Variants in GRM1 observed in about 807,000 individuals in gnomAD.
GRM1 encodes metabotropic glutamate receptor 1.
Under a neutral mutation model 90.9 loss-of-function variants are expected in GRM1, and 33 were observed. The observed-to-expected ratio is 0.36, with a 90% CI of 0.28 to 0.49. GRM1 has a LOEUF of 0.49. GRM1 is among the 20% of genes least tolerant of loss of function. The probability of loss-of-function intolerance (pLI) is 0.99; values close to 1 mark genes in which losing one functional copy is unlikely to be tolerated. For missense variants in GRM1, 1,190 were observed against 1,534.3 expected (o/e 0.78, Z 3.75); for synonymous variants, 700 against 613.2 (o/e 1.14, Z -2.09).
intron 2 of GRM1, among the ~76,000 whole-genome samples, chr6:146,267,508 T>C (rs1428548008): frequency 6.6e-6 from 1 of 152,062 alleles, no homozygotes; most frequent in Admixed American, 6.5e-5. Flanking sequence ...AAATAGGCTG[T>C]CTGCAAGCTG....
intron 1 of GRM1, among the ~76,000 whole-genome samples, chr6:146,142,376 A>G (rs1776912352): frequency 6.6e-6 from 1 of 152,106 alleles, no homozygotes; most frequent in Non-Finnish European, 1.5e-5. Context: ...AGCAGTGTGG[A>G]ACTCACACAA....
In GRM1 at chr6:146,399,879, C is replaced by T. The variant is rs1439148755; in HGVS notation, c.2660+180C>T. On this transcript the variant is annotated intron_variant, in intron 7 of 7. Transcript: ENST00000282753. The surrounding 1 kb of genome is among the most constrained non-coding windows in gnomAD (Gnocchi z 5.4). ...TCTTTTCTCCCTTTCTTAAATCTCA[C>T]ATTCTGTTGCAGTAAGAATGCAGAA... Among the ~76,000 whole-genome samples, 1 of 152,156 alleles carries T rather than the reference C, an allele frequency of 6.6e-6. No homozygotes were observed. The highest frequency in any genetic ancestry group is 1.5e-5 in the Non-Finnish European group (1 of 68,036).
intron 1 of GRM1, among the ~76,000 whole-genome samples, chr6:146,039,710 G>A (rs1024209141): frequency 4.6e-5 from 7 of 152,086 alleles, no homozygotes; most frequent in South Asian, 2.1e-4. Flanking sequence ...GAGATGATTA[G>A]AGTTTTACTA....
chr6:146,067,380 C>G (rs950763506), intron 1 of GRM1, among the ~76,000 whole-genome samples: 5 of 152,114 alleles, frequency 3.3e-5, no homozygotes, highest in African/African-American at 1.2e-4. Flanking sequence ...ATTCCAACCA[C>G]TATTATTGTA....
chr6:146,419,202 C>T (rs1004792106), intron 7 of GRM1, among the ~76,000 whole-genome samples: 1 of 151,992 alleles, frequency 6.6e-6, no homozygotes, highest in African/African-American at 2.4e-5. Context: ...AAGAAACAGA[C>T]GGAAGAAAAA....
intron 2 of GRM1, among the ~76,000 whole-genome samples, chr6:146,260,553 C>G (rs996055605): frequency 3.3e-5 from 5 of 152,082 alleles, no homozygotes; most frequent in Non-Finnish European, 7.4e-5. Context: ...ATTTCTGTTT[C>G]TAGATCCTTG....
chr6:146,055,025 G>C (rs1387525404), intron 1 of GRM1, among the ~76,000 whole-genome samples: 1 of 151,972 alleles, frequency 6.6e-6, no homozygotes, highest in Non-Finnish European at 1.5e-5. Flanking sequence ...TTTGCCTTGG[G>C]TTCACGCTAA....
At chr6:146,192,419 T>A (rs1778962411) in intron 2 of GRM1, among the ~76,000 whole-genome samples, 1 of 152,208 alleles carries the variant, frequency 6.6e-6, no homozygotes, top group Admixed American at 6.5e-5. Flanking sequence ...TATTAGGCAC[T>A]TGGCCTTATA....
intron 2 of GRM1, among the ~76,000 whole-genome samples, chr6:146,277,507 A>T (rs1782417649): frequency 6.6e-6 from 1 of 152,174 alleles, no homozygotes; most frequent in South Asian, 2.1e-4. Context: ...CTCCCAATTA[A>T]AAACCCTGGA....
At chr6:146,382,813 T>C (rs1776364645) in intron 5 of GRM1, among the ~76,000 whole-genome samples, 1 of 152,194 alleles carries the variant, frequency 6.6e-6, no homozygotes, top group Non-Finnish European at 1.5e-5. Context: ...GTGTTATTGG[T>C]ATATTTCTGT....
chr6:146,207,983 C>T (rs1419062165), intron 2 of GRM1, among the ~76,000 whole-genome samples: 1 of 152,092 alleles, frequency 6.6e-6, no homozygotes, highest in Non-Finnish European at 1.5e-5. Flanking sequence ...CCCTCCTTTC[C>T]CCTCTTGCAA....
intron 5 of GRM1, among the ~76,000 whole-genome samples, chr6:146,360,929 C>T (rs1014111999): frequency 2.6e-5 from 4 of 152,204 alleles, no homozygotes; most frequent in Admixed American, 2.0e-4. Flanking sequence ...CTGAGCATAA[C>T]TAATCACGTG....
At chr6:146,060,735 G>A (rs574305774) in intron 1 of GRM1, among the ~76,000 whole-genome samples, 1 of 152,184 alleles carries the variant, frequency 6.6e-6, no homozygotes, top group South Asian at 2.1e-4. Flanking sequence ...CTTTATGGTA[G>A]AATGATTTAT....
chr6:146,209,823 C>G (rs1279846677), intron 2 of GRM1, among the ~76,000 whole-genome samples: 1 of 152,098 alleles, frequency 6.6e-6, no homozygotes, highest in Non-Finnish European at 1.5e-5. Context: ...TTTCAAAACA[C>G]TTTCAGATTG....
chr6:146,108,690 G>C (rs1775424208), intron 1 of GRM1, among the ~76,000 whole-genome samples: 1 of 152,172 alleles, frequency 6.6e-6, no homozygotes, highest in South Asian at 2.1e-4. Context: ...CTGGGTAACA[G>C]GCAAAGGTTG....
intron 2 of GRM1, among the ~76,000 whole-genome samples, chr6:146,216,054 A>G (rs1779861741): frequency 6.6e-6 from 1 of 152,244 alleles, no homozygotes; most frequent in South Asian, 2.1e-4. Flanking sequence ...ACAGCACCTG[A>G]CCAAACATTT....
intron 2 of GRM1, among the ~76,000 whole-genome samples, chr6:146,206,991 T>C (rs1779518645): frequency 6.6e-6 from 1 of 152,246 alleles, no homozygotes; most frequent in African/African-American, 2.4e-5. Flanking sequence ...TCTCATTCTT[T>C]CTAATGACTG....
Position 146,154,683 on chromosome 6 carries a change from T to A in GRM1, c.701-4665T>A, listed in dbSNP as rs147676311. Reference sequence around the variant, plus strand: ...ATGAAACTTTTACAGATGTTGACATTGAAGTCCCAAGTCCTTTCTGAATAC... The same window carrying A: ...ATGAAACTTTTACAGATGTTGACATAGAAGTCCCAAGTCCTTTCTGAATAC... On this transcript the variant is annotated intron_variant, in intron 1 of 7. Transcript: ENST00000282753. Among the ~76,000 whole-genome samples the A allele has an allele frequency of 2.4e-3, 362 of 152,304 alleles. 2 individuals carry two copies. Among genetic ancestry groups the A allele is most frequent in the African/African-American group, 8.4e-3 (351 of 41,566 alleles).
At chr6:146,431,281 T>C (rs1444955937) in intron 7 of GRM1, among the ~76,000 whole-genome samples, 2 of 152,176 alleles carry the variant, frequency 1.3e-5, no homozygotes, top group Non-Finnish European at 2.9e-5. Context: ...AAATGTCCCA[T>C]CTCAACAATA....
Sources: gnomAD v4.1 joint callset for allele counts (sites outside exome capture counted in the v4.1 genomes callset) on GRCh38, gnomAD v4.1.1 for gene constraint, Gnocchi (gnomAD v3.1) non-coding constraint, MANE v1.5 for transcripts, NCBI Gene and HGNC (gene_info 2026-07-23, HGNC 2026-07-21) for gene names.